GABRG3: variants seen among roughly 807,000 people sequenced by gnomAD.
The protein encoded by GABRG3 is gamma-aminobutyric acid type A receptor subunit gamma3, also known as gamma-aminobutyric acid receptor subunit gamma-3.
In GABRG3, 25 loss-of-function variants were observed where a neutral mutation model predicts 48.8. The ratio of observed to expected loss-of-function variants is 0.51; its 90% CI spans 0.37 to 0.72. The LOEUF is 0.72. Ranked by LOEUF, GABRG3 falls within the 30% of genes least tolerant of loss-of-function variation. GABRG3 has a pLI of 0.00. For missense variants in GABRG3, 394 were observed against 577.9 expected, an observed-to-expected ratio of 0.68 and a Z score of 3.26; for synonymous variants, 227 against 217.6, an observed-to-expected ratio of 1.04 and a Z score of -0.38.
intron 3 of GABRG3, among the ~76,000 whole-genome samples, chr15:27,147,073 G>A (rs1898222557): frequency 6.6e-6 from 1 of 152,012 alleles, no homozygotes; most frequent in Non-Finnish European, 1.5e-5. Context: ...CAAGTAAGTT[G>A]TAAATGAAAG....
intron 3 of GABRG3, among the ~76,000 whole-genome samples, chr15:27,307,846 C>A (rs1892710835): frequency 8.1e-6 from 1 of 122,848 alleles, no homozygotes; most frequent in East Asian, 2.5e-4. Context: ...ATAAAATAAA[C>A]ATGTTTATAT....
At chr15:27,004,131 C>T (rs914270006) in intron 2 of GABRG3, among the ~76,000 whole-genome samples, 2 of 149,138 alleles carry the variant, frequency 1.3e-5, no homozygotes, top group Admixed American at 6.6e-5. Flanking sequence ...GGGGGCTGAC[C>T]CCCCCACCTC....
chr15:27,298,618 G>A (rs549937811), intron 3 of GABRG3, among the ~76,000 whole-genome samples: 2 of 152,078 alleles, frequency 1.3e-5, no homozygotes, highest in East Asian at 3.9e-4. Context: ...AAACGGAAAG[G>A]TAGCTTCTTG....
rs1029736585 is a variant in GABRG3 at position 26,976,295 on chromosome 15, A to G, written c.54-707A>G. ...ATTTACTAAGAAGTCAGAATGTTGA[A>G]GACTTATTAGAAAGCTTAGTTCTTC... On this transcript the variant is annotated intron_variant, in intron 1 of 9. Coordinates refer to ENST00000615808, the MANE Select transcript of GABRG3 (RefSeq NM_033223.5). The surrounding 1 kb of genome is among the most constrained non-coding windows in gnomAD (Gnocchi z 7.8). Among the ~76,000 whole-genome samples, 3 of 152,204 alleles carry G rather than the reference A, an allele frequency of 2.0e-5. No individual in the cohort carries two copies. The highest frequency in any genetic ancestry group is 7.2e-5 in the African/African-American group (3 of 41,470).
At chr15:27,468,489 T>G (rs1305655107) in intron 5 of GABRG3, among the ~76,000 whole-genome samples, 1 of 152,164 alleles carries the variant, frequency 6.6e-6, no homozygotes. Flanking sequence ...CAGTGCCGTG[T>G]TGGATCCAGT....
chr15:27,430,450 G>A (rs1049956636), intron 5 of GABRG3, among the ~76,000 whole-genome samples: 2 of 151,884 alleles, frequency 1.3e-5, no homozygotes, highest in Admixed American at 1.3e-4. Flanking sequence ...TGCTTTTGGT[G>A]TATTATCTAA....
At chr15:27,259,370 TTC>T (rs2140465337) in intron 3 of GABRG3, among the ~76,000 whole-genome samples, 1 of 152,300 alleles carries the variant, frequency 6.6e-6, no homozygotes, top group African/African-American at 2.4e-5. Flanking sequence ...GGCTCCGTCC[TTC>T]TCTGTCTTGG....
At chr15:26,984,911 G>A (rs116136286) in intron 2 of GABRG3, among the ~76,000 whole-genome samples, 34 of 152,314 alleles carry the variant, frequency 2.2e-4, no homozygotes, top group African/African-American at 7.9e-4. Flanking sequence ...CCTGGGCAAC[G>A]CTGACTGATG....
intron 3 of GABRG3, among the ~76,000 whole-genome samples, chr15:27,110,588 T>C (rs912506212): frequency 6.6e-6 from 1 of 152,112 alleles, no homozygotes; most frequent in Non-Finnish European, 1.5e-5. Flanking sequence ...CTCAATTTTT[T>C]TTTTGTCTGA....
At chr15:27,432,447 T>C (rs1888485058) in intron 5 of GABRG3, among the ~76,000 whole-genome samples, 1 of 152,186 alleles carries the variant, frequency 6.6e-6, no homozygotes, top group South Asian at 2.1e-4. Context: ...TTGGTGCTCT[T>C]TATTTCTCTC....
chr15:27,266,579 C>T (rs1478933190), intron 3 of GABRG3, among the ~76,000 whole-genome samples: 1 of 152,130 alleles, frequency 6.6e-6, no homozygotes, highest in African/African-American at 2.4e-5. Context: ...AAAAAATGTC[C>T]TGCTGGGATT....
rs574227967 is a variant in GABRG3 at position 27,429,480 on chromosome 15, A to G, written c.575-51170A>G. The stretch of plus-strand genomic sequence containing the variant: ...TCATTTTAAAGTATGCAGTTCAGTA[A>G]TTTTTAGCATGTTCACAGAATTCTG... On this transcript the variant is annotated intron_variant, in intron 5 of 9. Transcript: ENST00000615808. 2.0e-5 allele frequency among the ~76,000 whole-genome samples: 3 copies of G among 152,302 alleles called. No individual in the cohort carries two copies. In the East Asian group the frequency reaches 5.8e-4, roughly 29 times the overall value.
At chr15:27,189,824 C>T (rs1888233356) in intron 3 of GABRG3, among the ~76,000 whole-genome samples, 1 of 152,072 alleles carries the variant, frequency 6.6e-6, no homozygotes, top group Non-Finnish European at 1.5e-5. Flanking sequence ...GGGAATGCTT[C>T]CAGTTTTTGC....
intron 3 of GABRG3, among the ~76,000 whole-genome samples, chr15:27,308,068 A>ATATATGTT (rs1491218570): frequency 4.8e-5 from 6 of 123,724 alleles, no homozygotes; most frequent in Non-Finnish European, 7.9e-5. Context: ...ATATATAAAC[A>ATATATGTT]TATATGTTTA....
intron 3 of GABRG3, among the ~76,000 whole-genome samples, chr15:27,079,549 G>A (rs1896959124): frequency 6.6e-6 from 1 of 152,052 alleles, no homozygotes; most frequent in Non-Finnish European, 1.5e-5. Context: ...GTCTTGGCGA[G>A]GGCTAACAAT....
chr15:27,073,310 G>A (rs1196500763), intron 3 of GABRG3, among the ~76,000 whole-genome samples: 1 of 152,264 alleles, frequency 6.6e-6, no homozygotes, highest in African/African-American at 2.4e-5. Context: ...ACTTCTGCAA[G>A]GTCTTTCTTG....
intron 3 of GABRG3, among the ~76,000 whole-genome samples, chr15:27,278,059 T>A (rs1399235330): frequency 6.6e-6 from 1 of 151,694 alleles, no homozygotes; most frequent in Non-Finnish European, 1.5e-5. Context: ...TCGATGCATT[T>A]TTTTTTTTTT....
Position 27,106,725 on chromosome 15 carries a change from A to G in GABRG3, c.270+79904A>G, listed in dbSNP as rs568658885. 4.1e-4 allele frequency among the ~76,000 whole-genome samples: 63 copies of G among 152,148 alleles called. No individual in the cohort carries two copies. The Middle Eastern group carries it at 0.01, about 25-fold the overall frequency. On this transcript the variant is annotated intron_variant, in intron 3 of 9. Transcript: ENST00000615808. Reference sequence around the variant, plus strand: ...AGATGATGCAAATCATCATTATTGGAATGAAATGAGGGATATCACTATAGG... The same window carrying G: ...AGATGATGCAAATCATCATTATTGGGATGAAATGAGGGATATCACTATAGG...
intron 3 of GABRG3, among the ~76,000 whole-genome samples, chr15:27,278,919 A>G (rs2140478295): frequency 6.6e-6 from 1 of 152,274 alleles, no homozygotes; most frequent in East Asian, 1.9e-4. Flanking sequence ...TGGCTGGATC[A>G]TTTTACATTC....
Sources: gnomAD v4.1 joint callset for allele counts (sites outside exome capture counted in the v4.1 genomes callset) on GRCh38, gnomAD v4.1.1 for gene constraint, Gnocchi (gnomAD v3.1) non-coding constraint, MANE v1.5 for transcripts, NCBI Gene and HGNC (gene_info 2026-07-23, HGNC 2026-07-21) for gene names.